VPS13B: variants seen among roughly 807,000 people sequenced by gnomAD.
The protein encoded by VPS13B is intermembrane lipid transfer protein VPS13B.
VPS13B carries 285 observed loss-of-function variants against 426.4 expected under a neutral mutation model. That is an observed-to-expected ratio of 0.67 (90% CI 0.61 to 0.74). The LOEUF is 0.74. Ranked by LOEUF, VPS13B falls within the 30% of genes least tolerant of loss-of-function variation. VPS13B has a pLI of 0.00. For missense variants in VPS13B, 4,537 were observed against 4,782.6 expected (o/e 0.95, Z 1.51); for synonymous variants, 1,676 against 1,676.4 (o/e 1.00, Z 0.01).
chr8:99,729,101 C>A (rs1833482976), intron 39 of VPS13B, among the ~76,000 whole-genome samples: 1 of 152,112 alleles, frequency 6.6e-6, no homozygotes, highest in South Asian at 2.1e-4. Flanking sequence ...ATATCAGGTG[C>A]TCTTGGCCCA....
At chr8:99,301,869 C>T (rs972472645) in intron 19 of VPS13B, among the ~76,000 whole-genome samples, 2 of 151,280 alleles carry the variant, frequency 1.3e-5, no homozygotes, top group South Asian at 2.1e-4. Flanking sequence ...TCAAGAGATC[C>T]GTCTGCCTTG....
chr8:99,452,485 A>G (rs1191236681), intron 23 of VPS13B, among the ~76,000 whole-genome samples: 2 of 152,138 alleles, frequency 1.3e-5, no homozygotes, highest in Non-Finnish European at 2.9e-5. Flanking sequence ...ACATGCCACA[A>G]AAGGGGAGCT....
At chr8:99,235,986 G>A (rs898408923) in intron 17 of VPS13B, among the ~76,000 whole-genome samples, 1 of 151,964 alleles carries the variant, frequency 6.6e-6, no homozygotes. Context: ...AAACAGCTGC[G>A]TAGTATCCGA....
chr8:99,160,898 G>A (rs1314484239), intron 15 of VPS13B, among the ~76,000 whole-genome samples: 1 of 152,150 alleles, frequency 6.6e-6, no homozygotes, highest in African/African-American at 2.4e-5. Flanking sequence ...TTGCAGACTA[G>A]AAGAACATGT....
At chr8:99,360,721 T>TG (rs1337421505) in intron 19 of VPS13B, among the ~76,000 whole-genome samples, 1 of 152,076 alleles carries the variant, frequency 6.6e-6, no homozygotes, top group African/African-American at 2.4e-5. Context: ...GGGCAAAAGG[T>TG]GGTGTAGCTA....
chr8:99,829,421 T>C (rs1421193531), intron 51 of VPS13B, among the ~76,000 whole-genome samples: 1 of 152,230 alleles, frequency 6.6e-6, no homozygotes, highest in Non-Finnish European at 1.5e-5. Flanking sequence ...CTCAAAGTTC[T>C]CGTACTGTGT....
At chr8:99,725,067 G>A (rs1833284652) in intron 39 of VPS13B, among the ~76,000 whole-genome samples, 1 of 152,156 alleles carries the variant, frequency 6.6e-6, no homozygotes, top group Admixed American at 6.5e-5. Flanking sequence ...GAGCTAAAAT[G>A]CCATGTAGTC....
intron 29 of VPS13B, among the ~76,000 whole-genome samples, chr8:99,515,361 AGCT>A (rs576737553): frequency 0.043 from 6,397 of 150,068 alleles, 158 homozygotes; most frequent in South Asian, 0.075. Context: ...TTATTTTTAA[AGCT>A]GCTGCTGCTG....
At chr8:99,740,921 A>G (rs1809684510) in intron 39 of VPS13B, among the ~76,000 whole-genome samples, 2 of 152,160 alleles carry the variant, frequency 1.3e-5, no homozygotes. Context: ...TCAACTAACA[A>G]GCAAAATAAC....
At chr8:99,784,616 A>G in intron 43 of VPS13B, 140 bp downstream of exon 43, 1 of 1,173,042 alleles carries the variant, frequency 8.5e-7, no homozygotes, top group East Asian at 2.4e-5. Context: ...ACGGAAACCC[A>G]AGAGTGTTTA....
At chr8:99,838,470 G>A (rs1054749325) in intron 54 of VPS13B, among the ~76,000 whole-genome samples, 1 of 152,102 alleles carries the variant, frequency 6.6e-6, no homozygotes, top group Non-Finnish European at 1.5e-5. Context: ...GTCAAAATAA[G>A]GAACAAAGAA....
intron 39 of VPS13B, among the ~76,000 whole-genome samples, chr8:99,742,639 G>A (rs1236843042): frequency 6.6e-6 from 1 of 152,080 alleles, no homozygotes; most frequent in Admixed American, 6.5e-5. Context: ...GATCAAGTGG[G>A]CTTCATCCCT....
chr8:99,826,332 A>T (rs906349255), intron 51 of VPS13B, among the ~76,000 whole-genome samples: 17 of 152,194 alleles, frequency 1.1e-4, no homozygotes, highest in African/African-American at 3.6e-4. Flanking sequence ...CTTTTTAGCA[A>T]TTGTGAATGG....
intron 33 of VPS13B, among the ~76,000 whole-genome samples, chr8:99,618,282 CAA>C (rs11301760): frequency 0.025 from 2,881 of 117,184 alleles, 84 homozygotes; most frequent in African/African-American, 0.073. Context: ...GTGTATATTT[CAA>C]AAAAAAAAAA....
intron 19 of VPS13B, among the ~76,000 whole-genome samples, chr8:99,321,090 G>A (rs1809953483): frequency 6.6e-6 from 1 of 152,014 alleles, no homozygotes; most frequent in African/African-American, 2.4e-5. Flanking sequence ...TCAGATTCTG[G>A]AACATTCTAT....
chr8:99,742,462 C>G (rs1208213247), intron 39 of VPS13B, among the ~76,000 whole-genome samples: 3 of 152,312 alleles, frequency 2.0e-5, no homozygotes, highest in African/African-American at 7.2e-5. Context: ...AGGATCCTCC[C>G]TAACTCATTT....
chr8:99,457,924 T>A (rs1006718863), intron 23 of VPS13B, among the ~76,000 whole-genome samples: 71 of 152,336 alleles, frequency 4.7e-4, no homozygotes, highest in Admixed American at 1.1e-3. Flanking sequence ...TTTCTTTTTT[T>A]TATATATATA....
intron 45 of VPS13B, 113 bp downstream of exon 45, chr8:99,817,916 G>A (rs1814140260): frequency 2.0e-6 from 3 of 1,514,104 alleles, no homozygotes; most frequent in East Asian, 2.4e-5. Context: ...TAAAAAAGGG[G>A]AGTGAAAGGC....
chr8:99,403,281 T>C (rs773133398), intron 21 of VPS13B, among the ~76,000 whole-genome samples: 42 of 152,048 alleles, frequency 2.8e-4, no homozygotes, highest in Non-Finnish European at 5.6e-4. Context: ...ATCCAGTGCC[T>C]ATTGAAAATG....
Sources: gnomAD v4.1 joint callset for allele counts (sites outside exome capture counted in the v4.1 genomes callset) on GRCh38, gnomAD v4.1.1 for gene constraint, MANE v1.5 for transcripts, NCBI Gene and HGNC (gene_info 2026-07-23, HGNC 2026-07-21) for gene names.